MCM5: variants seen among roughly 807,000 people sequenced by gnomAD.
MCM5 encodes DNA replication licensing factor MCM5.
In MCM5, 46 loss-of-function variants were observed where a neutral mutation model predicts 79.9. The ratio of observed to expected loss-of-function variants is 0.58; its 90% CI spans 0.45 to 0.74. MCM5 has a LOEUF of 0.74. Among genes scored for constraint, MCM5 ranks in the 30% least tolerant of loss-of-function variants. The pLI is 0.00. For synonymous variants in MCM5, 404 were observed against 390.5 expected, an observed-to-expected ratio of 1.03 and a Z score of -0.41; for missense variants, 883 against 1,017.0, an observed-to-expected ratio of 0.87 and a Z score of 1.79.
the MCM5 span, among the ~76,000 whole-genome samples, chr22:35,435,316 T>C: frequency 6.6e-6 from 1 of 151,968 alleles, no homozygotes; most frequent in Non-Finnish European, 1.5e-5. Context: ...AGGGGTCCAG[T>C]GTGCAGAGTG....
chr22:35,404,780 C>G (rs887463816), intron 4 of MCM5, among the ~76,000 whole-genome samples: 2 of 152,200 alleles, frequency 1.3e-5, no homozygotes, highest in African/African-American at 4.8e-5. Flanking sequence ...TTCTCTCGTT[C>G]AGCCGGAGGA....
chr22:35,452,181 GC>G, the MCM5 span, among the ~76,000 whole-genome samples: 1 of 152,144 alleles, frequency 6.6e-6, no homozygotes, highest in African/African-American at 2.4e-5. Context: ...CCAAGACTCT[GC>G]CCTCCTCCCT....
chr22:35,418,742 G>A (rs1030687790), intron 13 of MCM5, among the ~76,000 whole-genome samples: 1 of 151,686 alleles, frequency 6.6e-6, no homozygotes, highest in South Asian at 2.1e-4. Context: ...TTTGTGCCAG[G>A]CATTCTGAAT....
chr22:35,414,194 A>G (rs1932472089), intron 9 of MCM5, among the ~76,000 whole-genome samples: 1 of 152,168 alleles, frequency 6.6e-6, no homozygotes, highest in South Asian at 2.1e-4. Flanking sequence ...GGGCGAGTAC[A>G]CTGTACTGAG....
chr22:35,400,164 G>A lies in MCM5; in HGVS notation c.-53G>A. The stretch of plus-strand genomic sequence containing the variant: ...CCCGCGAAACTCGGCGGCTGAGCGT[G>A]GAGGTTCTTGTCTCCCCTGGTTTGT... On this transcript the variant is annotated 5_prime_UTR_variant, in exon 1 of 17. Coordinates refer to ENST00000216122, the MANE Select transcript of MCM5 (RefSeq NM_006739.4). The A allele has an allele frequency of 2.2e-6, 1 of 446,766 alleles. No homozygotes were observed. The highest frequency in any genetic ancestry group is 4.6e-5 in the East Asian group (1 of 21,962). The allele number at this position is 446,766 out of a possible 1,614,324, so 27.7% of individuals were successfully genotyped here.
the MCM5 span, among the ~76,000 whole-genome samples, chr22:35,434,605 A>G: frequency 6.6e-6 from 1 of 152,204 alleles, no homozygotes; most frequent in African/African-American, 2.4e-5. Context: ...CAGAAGTGGG[A>G]TGAGAAAGCT....
chr22:35,441,256 G>A, the MCM5 span, among the ~76,000 whole-genome samples: 26 of 152,334 alleles, frequency 1.7e-4, no homozygotes, highest in Middle Eastern at 6.8e-3. Context: ...AGAGTTACAG[G>A]ATGCTATATG....
chr22:35,446,213 C>T, the MCM5 span, among the ~76,000 whole-genome samples: 2 of 152,192 alleles, frequency 1.3e-5, no homozygotes, highest in Non-Finnish European at 2.9e-5. Context: ...CAGGAAGTAA[C>T]GTCTTGAGCA....
chr22:35,440,890 T>C, the MCM5 span, among the ~76,000 whole-genome samples: 1 of 151,948 alleles, frequency 6.6e-6, no homozygotes, highest in Non-Finnish European at 1.5e-5. Context: ...AAACCCCGTC[T>C]TTACTAAAAA....
chr22:35,405,020 ATTT>A (rs35626347), intron 4 of MCM5, among the ~76,000 whole-genome samples: 11 of 114,322 alleles, frequency 9.6e-5, no homozygotes, highest in Admixed American at 3.8e-4. Context: ...CTAGAGGCCA[ATTT>A]TTTTTTTTTT....
Position 35,424,324 on chromosome 22 carries a change from C to T in MCM5, c.*69C>T, listed in dbSNP as rs1932757542. ...CCCTCCTGCCGCTGCCTGCCATTGA[C>T]AATGTTGCTGGGACCTCTGCCTCCC... is the stretch of plus-strand genomic sequence containing the variant. On this transcript the variant is annotated 3_prime_UTR_variant, in exon 17 of 17. Coordinates refer to ENST00000216122, the MANE Select transcript of MCM5 (RefSeq NM_006739.4). 11 of 1,182,042 alleles carry T rather than the reference C, an allele frequency of 9.3e-6. No individual in the cohort carries two copies. In the South Asian group the frequency reaches 1.6e-4, roughly 17 times the overall value. The allele number at this position is 1,182,042 out of a possible 1,614,324, so 73.2% of individuals were successfully genotyped here.
At position 35,416,080 on chromosome 22, in the gene MCM5, A is replaced by T; in HGVS notation, c.1347+108A>T. 2.2e-6 allele frequency: 3 copies of T among 1,391,804 alleles called. No individual in the cohort carries two copies. In the South Asian group the frequency reaches 3.8e-5, roughly 18 times the overall value. The allele number at this position is 1,391,804 out of a possible 1,614,324, so 86.2% of individuals were successfully genotyped here. On this transcript the variant is annotated intron_variant, in intron 10 of 16. Coordinates refer to ENST00000216122, the MANE Select transcript of MCM5 (RefSeq NM_006739.4). ...CCTCTGACTTGGGAGACATGTTTTCAATCCCTGGGCCGGTCACTCTAGTAA... is the reference window on the plus strand; with the variant it reads ...CCTCTGACTTGGGAGACATGTTTTCTATCCCTGGGCCGGTCACTCTAGTAA...
Position 35,425,053 on chromosome 22 carries a change from AT to A in MCM5, c.*799del, listed in dbSNP as rs1932766007. 1 of 152,174 alleles carries A rather than the reference AT, an allele frequency of 6.6e-6. No homozygotes were observed. Among genetic ancestry groups the A allele is most frequent in the African/African-American group, 2.4e-5 (1 of 41,440 alleles). The allele number at this position is 152,174 out of a possible 1,614,324, so 9.4% of individuals were successfully genotyped here. On this transcript the variant is annotated 3_prime_UTR_variant, in exon 17 of 17. Transcript: ENST00000216122. ...ATTTCACTTTTCTGTGCCTGAGTTT[AT>A]CAGTAAACTGGAGATGGGGGGATTC...
the MCM5 span, among the ~76,000 whole-genome samples, chr22:35,448,756 C>T: frequency 6.6e-6 from 1 of 152,308 alleles, no homozygotes; most frequent in South Asian, 2.1e-4. Context: ...AAACAACACG[C>T]ATTATTCTCA....
At chr22:35,432,558 C>T in the MCM5 span, among the ~76,000 whole-genome samples, 1 of 152,206 alleles carries the variant, frequency 6.6e-6, no homozygotes, top group African/African-American at 2.4e-5. Flanking sequence ...CTCCAACTTC[C>T]TTGGGGAGGA....
chr22:35,416,882 G>A, intron 12 of MCM5, 68 bp downstream of exon 12: 1 of 1,554,186 alleles, frequency 6.4e-7, no homozygotes, highest in Non-Finnish European at 8.8e-7. Context: ...TGTGTGGGAA[G>A]GAGAATGGAG....
chr22:35,408,220 G>A (rs1024783679), intron 5 of MCM5, among the ~76,000 whole-genome samples, 188 bp from the exon 6 acceptor site: 9 of 152,312 alleles, frequency 5.9e-5, no homozygotes, highest in African/African-American at 2.2e-4. Flanking sequence ...TCCAGTGCTA[G>A]GTCCGTCAGT....
At chr22:35,429,239 G>A (rs1336724875), downstream of MCM5, among the ~76,000 whole-genome samples, 1 of 151,852 alleles carries the variant, frequency 6.6e-6, no homozygotes, top group Non-Finnish European at 1.5e-5. Context: ...ACCTGCCTCG[G>A]CCTCCCAAAG....
chr22:35,412,381 T>A (rs1161488190), intron 7 of MCM5, 129 bp from the exon 8 acceptor site: 2 of 631,934 alleles, frequency 3.2e-6, no homozygotes, highest in Non-Finnish European at 5.0e-6. Flanking sequence ...CTCAGATAGG[T>A]TGTGCTGTCC....
Sources: allele counts gnomAD v4.1 joint callset (sites outside exome capture counted in the v4.1 genomes callset), GRCh38; gene constraint gnomAD v4.1.1; transcripts MANE v1.5; gene names NCBI Gene and HGNC (gene_info 2026-07-23, HGNC 2026-07-21).